Variants in NCOA3 observed in about 807,000 individuals in gnomAD.
NCOA3 encodes the protein CBP-interacting protein.
In NCOA3, 51 loss-of-function variants were observed where a neutral mutation model predicts 158.8. The ratio of observed to expected loss-of-function variants is 0.32; its 90% CI spans 0.26 to 0.41. NCOA3 has a LOEUF of 0.41. Among genes scored for constraint, NCOA3 ranks in the 10% least tolerant of loss-of-function variants. The pLI, the probability that NCOA3 is intolerant of heterozygous loss-of-function variation, is 1.00. For synonymous variants in NCOA3, 537 were observed against 592.4 expected (o/e 0.91, Z 1.36); for missense variants, 1,510 against 1,746.6 (o/e 0.86, Z 2.41).
chr20:47,656,824 T>G lies in NCOA3; in HGVS notation c.*3407T>G, dbSNP rs932630944. 2 of 152,204 alleles carry G rather than the reference T, an allele frequency of 1.3e-5. No individual in the cohort carries two copies. Among genetic ancestry groups the G allele is most frequent in the Admixed American group, 1.3e-4 (2 of 15,246 alleles). The allele number at this position is 152,204 out of a possible 1,614,324, so 9.4% of individuals were successfully genotyped here. On this transcript the variant is annotated 3_prime_UTR_variant, in exon 23 of 23. Transcript: ENST00000371998. Reference sequence around the variant, plus strand: ...ATGGGGGATGGTGAGCTGTGACTGCTTTGCTGACCATTTTGGATGTCATTG... The same window carrying G: ...ATGGGGGATGGTGAGCTGTGACTGCGTTGCTGACCATTTTGGATGTCATTG...
At chr20:47,551,031 C>G (rs1292383508) in intron 1 of NCOA3, among the ~76,000 whole-genome samples, 1 of 151,990 alleles carries the variant, frequency 6.6e-6, no homozygotes, top group Non-Finnish European at 1.5e-5. Context: ...TAATAAAATA[C>G]ATTCAAGCAT....
At chr20:47,575,384 GAC>G (rs1214184633) in intron 1 of NCOA3, among the ~76,000 whole-genome samples, 2 of 152,110 alleles carry the variant, frequency 1.3e-5, no homozygotes, top group Non-Finnish European at 2.9e-5. Flanking sequence ...TTTTAAAGTA[GAC>G]TTTTTATTGC....
intron 10 of NCOA3, among the ~76,000 whole-genome samples, chr20:47,634,943 AACAGAG>A (rs2086486306): frequency 3.6e-5 from 5 of 137,192 alleles, no homozygotes; most frequent in Admixed American, 2.2e-4. Flanking sequence ...TTTTTTTTTA[AACAGAG>A]ACAGAGTCTT....
At chr20:47,607,088 A>C (rs1475690904) in intron 2 of NCOA3, among the ~76,000 whole-genome samples, 1 of 152,234 alleles carries the variant, frequency 6.6e-6, no homozygotes. Flanking sequence ...CATGGGTTAA[A>C]GATCTGTTCA....
At chr20:47,584,607 G>A in intron 2 of NCOA3, among the ~76,000 whole-genome samples, 2 of 142,206 alleles carry the variant, frequency 1.4e-5, no homozygotes, top group Non-Finnish European at 1.5e-5. Context: ...GCAACAGAGT[G>A]AGACTTCATC....
intron 1 of NCOA3, among the ~76,000 whole-genome samples, chr20:47,545,941 C>T (rs2084821102): frequency 6.6e-6 from 1 of 152,036 alleles, no homozygotes; most frequent in South Asian, 2.1e-4. Context: ...TCTAGAACTC[C>T]TGAGCTCAAG....
At chr20:47,565,291 CT>C (rs1161212601) in intron 1 of NCOA3, among the ~76,000 whole-genome samples, 1 of 152,146 alleles carries the variant, frequency 6.6e-6, no homozygotes, top group East Asian at 1.9e-4. Context: ...CCAGATGTCT[CT>C]CTTAATGAGT....
intron 2 of NCOA3, among the ~76,000 whole-genome samples, chr20:47,621,019 AT>A (rs1292653690): frequency 6.6e-6 from 1 of 152,226 alleles, no homozygotes; most frequent in African/African-American, 2.4e-5. Flanking sequence ...GCCACTACTA[AT>A]AAAGGTTATT....
At chr20:47,640,706 CCT>C (rs1186398303) in intron 16 of NCOA3, among the ~76,000 whole-genome samples, 1 of 149,874 alleles carries the variant, frequency 6.7e-6, no homozygotes, top group South Asian at 2.1e-4. Flanking sequence ...AGGTGAAACC[CCT>C]GTCTCTACTA....
intron 2 of NCOA3, among the ~76,000 whole-genome samples, chr20:47,603,457 G>GC (rs2085896084): frequency 6.6e-6 from 1 of 152,236 alleles, no homozygotes; most frequent in African/African-American, 2.4e-5. Context: ...AACTCCCCAA[G>GC]CCCAAGTAGG....
chr20:47,535,715 C>G (rs899563262), intron 1 of NCOA3, among the ~76,000 whole-genome samples: 6 of 152,014 alleles, frequency 3.9e-5, no homozygotes, highest in Non-Finnish European at 7.4e-5. Flanking sequence ...ACCATGTTGG[C>G]CAAGATGGTC....
At chr20:47,516,796 A>T (rs1199652459) in intron 1 of NCOA3, among the ~76,000 whole-genome samples, 1 of 152,038 alleles carries the variant, frequency 6.6e-6, no homozygotes, top group Non-Finnish European at 1.5e-5. Context: ...GCATAGTGGC[A>T]CACACCTGTA....
chr20:47,582,487 C>T (rs531855797), intron 1 of NCOA3, among the ~76,000 whole-genome samples: 358 of 152,120 alleles, frequency 2.4e-3, no homozygotes, highest in South Asian at 4.2e-3. Flanking sequence ...TGCTGGGATT[C>T]GAGGCATGAG....
chr20:47,639,735 GGCTCT>G lies in NCOA3; in HGVS notation c.2867_2871del (p.Gly956AspfsTer9). 6.2e-7 allele frequency: 1 copy of G among 1,614,146 alleles called. No homozygotes were observed. Among genetic ancestry groups the G allele is most frequent in the Non-Finnish European group, 8.5e-7 (1 of 1,180,010 alleles). On this transcript the variant is annotated frameshift_variant, in exon 15 of 23. Coordinates refer to ENST00000371998, the MANE Select transcript of NCOA3 (RefSeq NM_181659.3). LOFTEE classifies it high-confidence loss of function. The stretch of plus-strand genomic sequence containing the variant: ...TTCTTTACCCAGACCTGCACTGGGT[GGCTCT>G]ATTCCCACATTGCCTCTTCGGTCTA...
At chr20:47,653,167 T>A in intron 22 of NCOA3, 95 bp downstream of exon 22, 1 of 1,415,570 alleles carries the variant, frequency 7.1e-7, no homozygotes, top group Non-Finnish European at 9.6e-7. Flanking sequence ...CTAGGTATAT[T>A]TTAACTTGAA....
In NCOA3 at chr20:47,651,008, C is replaced by A; in HGVS notation, c.3678C>A (p.Val1226=). ...AGGGTTTTCTTAATGCTCAAATGGT[C>A]GCCCAACGCAGCAGAGAGCTGCTAA... is the stretch of plus-strand genomic sequence containing the variant. ...SQQGFLNAQM[V]AQRSRELLSH... is the part of the protein sequence containing the mutation. The change falls in exon 20 of 23, where the codon GTC becomes GTA. Residue 1226 remains valine, a synonymous_variant. Transcript: ENST00000371998. 6.2e-7 allele frequency: 1 copy of A among 1,613,880 alleles called. No homozygotes were observed. Among genetic ancestry groups the A allele is most frequent in the Admixed American group, 1.7e-5 (1 of 60,004 alleles).
intron 1 of NCOA3, among the ~76,000 whole-genome samples, chr20:47,568,425 A>AT (rs1339578690): frequency 6.6e-6 from 1 of 152,240 alleles, no homozygotes; most frequent in Non-Finnish European, 1.5e-5. Flanking sequence ...TTCCCAGTAG[A>AT]TAAAAAGTTA....
intron 1 of NCOA3, 121 bp from the exon 2 acceptor site, chr20:47,583,062 G>A: frequency 2.5e-6 from 1 of 392,262 alleles, no homozygotes. Flanking sequence ...CCAAAGTGCT[G>A]GGATTACAGG....
intron 20 of NCOA3, among the ~76,000 whole-genome samples, chr20:47,652,019 G>C (rs528205605): frequency 2.0e-5 from 3 of 152,034 alleles, no homozygotes; most frequent in African/African-American, 7.2e-5. Context: ...CCTTTGAGAG[G>C]TTCCAGGAAC....
Sources: gnomAD v4.1 joint callset for allele counts (sites outside exome capture counted in the v4.1 genomes callset) on GRCh38, gnomAD v4.1.1 for gene constraint, MANE v1.5 for transcripts, NCBI Gene and HGNC (gene_info 2026-07-23, HGNC 2026-07-21) for gene names.